Variants in EFCAB6 observed in about 807,000 individuals in gnomAD.
The protein encoded by EFCAB6 is EF-hand calcium binding domain 6.
A neutral mutation model predicts 169.8 loss-of-function variants in EFCAB6; 156 were observed. The ratio of observed to expected loss-of-function variants is 0.92; its 90% CI spans 0.81 to 1.05. The LOEUF is 1.05. Among genes scored for constraint, EFCAB6 ranks in the 50% least tolerant of loss-of-function variants. EFCAB6 has a pLI of 0.00. For missense variants in EFCAB6, 1,800 were observed against 1,829.1 expected, an observed-to-expected ratio of 0.98 and a Z score of 0.29; for synonymous variants, 698 against 676.4, an observed-to-expected ratio of 1.03 and a Z score of -0.50.
Position 43,773,055 on chromosome 22 carries a change from A to G in EFCAB6, c.188T>C (p.Ile63Thr), listed in dbSNP as rs146421624. The change falls in exon 4 of 32, where the codon ATT becomes ACT. Residue 63 changes from isoleucine (I) to threonine (T), a missense_variant. Transcript: ENST00000262726. Reference sequence around the variant, plus strand: ...TCTGTCGGTAATTTTTTGAAATAAAATCCGTTTAACATCTAAGGAGGACAG... The same window carrying G: ...TCTGTCGGTAATTTTTTGAAATAAAGTCCGTTTAACATCTAAGGAGGACAG... Reference protein sequence around the residue: ...PTLSSLDVKRILFQKITDRGD... With the variant: ...PTLSSLDVKRTLFQKITDRGD... 6.3e-3 allele frequency: 10,104 copies of G among 1,614,230 alleles called. 57 individuals are homozygous for G. Among genetic ancestry groups the G allele is most frequent in the Middle Eastern group, 0.03 (181 of 6,062 alleles).
chr22:43,668,809 A>C, intron 16 of EFCAB6, 63 bp downstream of exon 16: 1 of 1,351,724 alleles, frequency 7.4e-7, no homozygotes, highest in South Asian at 2.1e-5. Flanking sequence ...AATAGTTACT[A>C]AATACCTATT....
intron 23 of EFCAB6, 125 bp downstream of exon 23, chr22:43,599,944 A>C (rs2052372116): frequency 5.5e-6 from 6 of 1,093,338 alleles, no homozygotes; most frequent in African/African-American, 1.6e-5. Flanking sequence ...AACTGTGAAC[A>C]AGCACGATCA....
At position 43,632,387 on chromosome 22, in the gene EFCAB6, C is replaced by T. The variant is rs895871973; in HGVS notation, c.2099-149G>A. The T allele has an allele frequency of 1.3e-5, 15 of 1,174,820 alleles. No homozygotes were observed. The African/African-American group carries it at 2.0e-4, about 16-fold the overall frequency. 72.8% of individuals were successfully genotyped at this position (1,174,820 alleles called of 1,614,324 possible). A position where few individuals can be genotyped will look rare whatever the true frequency, so the allele number is the denominator to read the frequency against. On this transcript the variant is annotated intron_variant, in intron 18 of 31. Transcript: ENST00000262726. Reference sequence around the variant, plus strand: ...CAATCTCAGCTCACTGCAACCTCCACCTCCTGGGTTCAAGCGAGTCTCCTG... The same window carrying T: ...CAATCTCAGCTCACTGCAACCTCCATCTCCTGGGTTCAAGCGAGTCTCCTG...
At chr22:43,660,311 G>A (rs1057287698) in intron 17 of EFCAB6, among the ~76,000 whole-genome samples, 1 of 152,078 alleles carries the variant, frequency 6.6e-6, no homozygotes, top group Non-Finnish European at 1.5e-5. Context: ...GTCAGAAACT[G>A]CACCTTCCAC....
intron 1 of EFCAB6, among the ~76,000 whole-genome samples, chr22:43,810,311 A>T (rs557978915): frequency 1.3e-5 from 2 of 152,352 alleles, no homozygotes; most frequent in African/African-American, 4.8e-5. Context: ...GTAGAAATAG[A>T]AGTAGTAAAA....
intron 10 of EFCAB6, among the ~76,000 whole-genome samples, chr22:43,696,671 T>A (rs1190146771): frequency 6.6e-6 from 1 of 152,160 alleles, no homozygotes; most frequent in African/African-American, 2.4e-5. Context: ...CTTTAAAACA[T>A]GGTAAGTCAA....
At chr22:43,630,257 G>A (rs1459179536) in intron 19 of EFCAB6, among the ~76,000 whole-genome samples, 4 of 152,168 alleles carry the variant, frequency 2.6e-5, no homozygotes, top group Non-Finnish European at 4.4e-5. Context: ...GACATAACCC[G>A]CATCCAGTCT....
intron 17 of EFCAB6, among the ~76,000 whole-genome samples, chr22:43,666,694 T>G (rs998250337): frequency 8.9e-6 from 1 of 111,746 alleles, no homozygotes; most frequent in Non-Finnish European, 1.9e-5. Flanking sequence ...CCAGATTGTT[T>G]TTTTTTTTTT....
chr22:43,634,986 T>C, intron 18 of EFCAB6, 116 bp downstream of exon 18: 1 of 748,786 alleles, frequency 1.3e-6, no homozygotes, highest in Non-Finnish European at 2.3e-6. Context: ...AGACACCTCG[T>C]TTCAACATCT....
chr22:43,597,720 A>G (rs899773435), intron 23 of EFCAB6, among the ~76,000 whole-genome samples: 1 of 152,206 alleles, frequency 6.6e-6, no homozygotes, highest in African/African-American at 2.4e-5. Flanking sequence ...TGATCCAGAA[A>G]TTCTATGATA....
In EFCAB6 at chr22:43,608,480, ACCTT is replaced by A. The variant is rs1468076683; in HGVS notation, c.2679_2681+1del. 13 of 1,613,856 alleles carry A rather than the reference ACCTT, an allele frequency of 8.1e-6. No individual in the cohort carries two copies. Among genetic ancestry groups the A allele is most frequent in the African/African-American group, 1.3e-5 (1 of 74,916 alleles). On this transcript the variant is annotated splice_donor_variant and coding_sequence_variant, in exon 22 of 32. Coordinates refer to ENST00000262726, the MANE Select transcript of EFCAB6 (RefSeq NM_022785.4). LOFTEE classifies it high-confidence loss of function. ...AACCAACCAGTCTCACGTGCCACTT[ACCTT>A]GCCCAAAGCTTTTCAAACTCTCTTG...
intron 8 of EFCAB6, among the ~76,000 whole-genome samples, chr22:43,718,969 C>A (rs1381368804): frequency 6.6e-6 from 1 of 152,192 alleles, no homozygotes; most frequent in Non-Finnish European, 1.5e-5. Flanking sequence ...AGGCCTCCAG[C>A]CCCTCTTGGA....
chr22:43,566,440 G>C (rs546972502), intron 26 of EFCAB6, among the ~76,000 whole-genome samples: 6 of 152,198 alleles, frequency 3.9e-5, no homozygotes, highest in Non-Finnish European at 7.3e-5. Context: ...ACTGACCCCA[G>C]AGTACCAGTG....
At chr22:43,678,329 CTGTGTGTGTG>C (rs137787) in intron 12 of EFCAB6, among the ~76,000 whole-genome samples, 166 bp from the exon 13 acceptor site, 10,051 of 144,334 alleles carry the variant, frequency 0.07, 395 homozygotes, top group Admixed American at 0.1. Flanking sequence ...AACATGAGCA[CTGTGTGTGTG>C]TGTGTGTGTG....
Position 43,744,327 on chromosome 22 carries a change from G to A in EFCAB6, c.508-8334C>T, listed in dbSNP as rs2060487245. Among the ~76,000 whole-genome samples, 1 of 152,082 alleles carries A rather than the reference G, an allele frequency of 6.6e-6. No homozygotes were observed. Among genetic ancestry groups the A allele is most frequent in the Non-Finnish European group, 1.5e-5 (1 of 67,996 alleles). Reference sequence around the variant, plus strand: ...GACAATCCTTGTAGAGACAGGACAGGAACCTGCAAAAAGGGTAGACAAGCA... The same window carrying A: ...GACAATCCTTGTAGAGACAGGACAGAAACCTGCAAAAAGGGTAGACAAGCA... On this transcript the variant is annotated intron_variant, in intron 6 of 31. Transcript: ENST00000262726. This position sits in a 1 kb window ranked among gnomAD's most constrained non-coding sequence, Gnocchi z 4.3.
intron 6 of EFCAB6, among the ~76,000 whole-genome samples, chr22:43,755,417 C>A (rs1270852297): frequency 6.6e-6 from 1 of 152,240 alleles, no homozygotes; most frequent in Admixed American, 6.5e-5. Flanking sequence ...GCATTGACTG[C>A]TGCAAAGCAG....
intron 6 of EFCAB6, among the ~76,000 whole-genome samples, chr22:43,750,854 T>C (rs2060734001): frequency 6.6e-6 from 1 of 152,228 alleles, no homozygotes; most frequent in South Asian, 2.1e-4. Flanking sequence ...ATGAGGATAT[T>C]ACAGAGCAAG....
intron 4 of EFCAB6, 56 bp downstream of exon 4, chr22:43,772,836 A>C (rs2061518352): frequency 6.3e-7 from 1 of 1,593,116 alleles, no homozygotes; most frequent in Admixed American, 1.7e-5. Flanking sequence ...TGCTCCCCTG[A>C]TCTACCTCAG....
chr22:43,642,649 A>G (rs527576114), intron 17 of EFCAB6, among the ~76,000 whole-genome samples: 1 of 152,346 alleles, frequency 6.6e-6, no homozygotes, highest in South Asian at 2.1e-4. Context: ...AATAGGTCTA[A>G]TTTGTACTTG....
Sources: gnomAD v4.1 joint callset for allele counts (sites outside exome capture counted in the v4.1 genomes callset) on GRCh38, gnomAD v4.1.1 for gene constraint, Gnocchi (gnomAD v3.1) non-coding constraint, MANE v1.5 for transcripts, NCBI Gene and HGNC (gene_info 2026-07-23, HGNC 2026-07-21) for gene names.